MRTFA: variants seen among roughly 807,000 people sequenced by gnomAD.
MRTFA encodes myocardin-related transcription factor A.
Under a neutral mutation model 83.5 loss-of-function variants are expected in MRTFA, and 20 were observed. The observed-to-expected ratio is 0.24, with a 90% confidence interval of 0.17 to 0.35. MRTFA has a LOEUF of 0.35. Among genes scored for constraint, MRTFA ranks in the 10% least tolerant of loss-of-function variants. The probability of loss-of-function intolerance (pLI) is 1.00; values close to 1 mark genes in which losing one functional copy is unlikely to be tolerated. For synonymous variants in MRTFA, 659 were observed against 541.2 expected (o/e 1.22, Z -3.02); for missense variants, 1,200 against 1,224.7 (o/e 0.98, Z 0.30).
In MRTFA at chr22:40,411,420, A is replaced by G; in HGVS notation, c.3066T>C (p.Asp1022=). 1 of 1,572,914 alleles carries G rather than the reference A, an allele frequency of 6.4e-7. No individual in the cohort carries two copies. Among genetic ancestry groups the G allele is most frequent in the Admixed American group, 1.7e-5 (1 of 57,748 alleles). ...AGCAGGAATCCCAGTGCAGCTGCAA[A>G]TCATGGCCATCGAGGAAGTCTGTGG... Residue 1022 remains aspartate, a synonymous_variant, in exon 15 of 15, where the codon GAT becomes GAC. Transcript: ENST00000355630.
At chr22:40,603,569 T>C (rs2056284154) in intron 1 of MRTFA, among the ~76,000 whole-genome samples, 1 of 152,196 alleles carries the variant, frequency 6.6e-6, no homozygotes, top group Admixed American at 6.5e-5. Context: ...AGCCGGCATC[T>C]ACACTGAGAT....
intron 4 of MRTFA, chr22:40,439,997 CG>C: frequency 6.3e-6 from 1 of 158,896 alleles, no homozygotes; most frequent in Admixed American, 6.3e-5. Context: ...ACTAAAAATA[CG>C]AAAATTAGCT....
At chr22:40,500,666 C>A (rs139065) in intron 3 of MRTFA, among the ~76,000 whole-genome samples, 49,932 of 147,136 alleles carry the variant, frequency 0.34, 8,421 homozygotes, top group East Asian at 0.59. Flanking sequence ...TCCATTTAAC[C>A]CTGAGTGGAC....
At chr22:40,609,693 A>C (rs777464651) in intron 1 of MRTFA, among the ~76,000 whole-genome samples, 8 of 151,600 alleles carry the variant, frequency 5.3e-5, no homozygotes, top group Non-Finnish European at 1.0e-4. Flanking sequence ...TTAGCCAGGC[A>C]TGGTGGAGGG....
At position 40,623,846 on chromosome 22, in the gene MRTFA, G is replaced by C. The variant is rs372245202; in HGVS notation, c.-84+12632C>G. Among the ~76,000 whole-genome samples the C allele has an allele frequency of 2.0e-5, 3 of 152,298 alleles. No homozygotes were observed. In the East Asian group the frequency reaches 5.8e-4, roughly 29 times the overall value. ...TTCAAAAAGATTCACCAAGCATGGT[G>C]GTTCACGTCTGTAATCCCACCACTT... On this transcript the variant is annotated intron_variant, in intron 1 of 14. Coordinates refer to ENST00000355630, the MANE Select transcript of MRTFA (RefSeq NM_020831.6).
intron 3 of MRTFA, among the ~76,000 whole-genome samples, chr22:40,503,016 C>T (rs117842361): frequency 0.021 from 3,214 of 152,312 alleles, 39 homozygotes; most frequent in Non-Finnish European, 0.033. Flanking sequence ...ACACCCTCAT[C>T]TACGCACAGG....
At chr22:40,563,340 T>C (rs2055657073) in intron 2 of MRTFA, among the ~76,000 whole-genome samples, 1 of 152,178 alleles carries the variant, frequency 6.6e-6, no homozygotes, top group Non-Finnish European at 1.5e-5. Flanking sequence ...TCCCAGTAGA[T>C]GGTAAATTCA....
Position 40,417,468 on chromosome 22 carries a change from G to A in MRTFA, c.2390C>T (p.Ala797Val), listed in dbSNP as rs778638734. 15 of 1,589,930 alleles carry A rather than the reference G, an allele frequency of 9.4e-6. 1 individual carries two copies. The highest frequency in any genetic ancestry group is 6.8e-5 in the South Asian group (6 of 88,428). ...GTCCATCTGGGCAGAGGGGGCAGGC[G>A]CTGGAGAGCCAGGCTGGGACGAGGG... The change falls in exon 13 of 15, where the codon GCG (alanine) becomes GTG (valine). Residue 797 changes from alanine to valine, a missense_variant. Ala to Val is a moderately conservative substitution (Grantham distance 64). This residue lies in a region of MRTFA where 1,107 missense variants were observed against 1,041.8 expected (regional missense o/e 1.06). Coordinates refer to ENST00000355630, the MANE Select transcript of MRTFA (RefSeq NM_020831.6).
intron 1 of MRTFA, among the ~76,000 whole-genome samples, chr22:40,596,781 G>A (rs924716977): frequency 1.6e-4 from 25 of 152,064 alleles, no homozygotes; most frequent in African/African-American, 5.5e-4. Context: ...CTCTAGCCTG[G>A]GTAACAGAGC....
intron 1 of MRTFA, among the ~76,000 whole-genome samples, chr22:40,596,311 T>C (rs370939903): frequency 6.6e-6 from 1 of 152,032 alleles, no homozygotes; most frequent in Admixed American, 6.6e-5. Flanking sequence ...TTGACTGTTA[T>C]CAAAAAAGGA....
chr22:40,564,132 C>A (rs924172512), intron 2 of MRTFA, among the ~76,000 whole-genome samples: 1 of 152,064 alleles, frequency 6.6e-6, no homozygotes, highest in Non-Finnish European at 1.5e-5. Flanking sequence ...GGAGGAGAGA[C>A]AGATGTCAAA....
At chr22:40,589,460 A>G (rs1345570386) in intron 2 of MRTFA, among the ~76,000 whole-genome samples, 1 of 152,212 alleles carries the variant, frequency 6.6e-6, no homozygotes, top group Non-Finnish European at 1.5e-5. Context: ...GTAACTGCTG[A>G]GCCAGGGTTC....
At chr22:40,571,512 G>T (rs889449319) in intron 2 of MRTFA, among the ~76,000 whole-genome samples, 10 of 152,018 alleles carry the variant, frequency 6.6e-5, no homozygotes, top group Admixed American at 6.6e-4. Flanking sequence ...ATGAGAAAAA[G>T]TATTTACAAA....
intron 3 of MRTFA, chr22:40,519,715 A>G (rs1418422696): frequency 4.0e-6 from 3 of 742,770 alleles, no homozygotes; most frequent in East Asian, 5.2e-5. Context: ...TCTGAAAAGC[A>G]CAATAATGGA....
At position 40,574,439 on chromosome 22, in the gene MRTFA, TA is replaced by T. The variant is rs200625022; in HGVS notation, c.-22+20234del. Among the ~76,000 whole-genome samples the T allele has an allele frequency of 5.9e-4, 87 of 147,862 alleles. 2 individuals carry two copies. Among genetic ancestry groups the T allele is most frequent in the East Asian group, 1.0e-3 (5 of 4,830 alleles). ...ACACTGCATTAGTTATTATTATTAT[TA>T]TTTTTTTTTTTTGAGATGGAGCCTT... On this transcript the variant is annotated intron_variant, in intron 2 of 14. Coordinates refer to ENST00000355630, the MANE Select transcript of MRTFA (RefSeq NM_020831.6).
chr22:40,463,633 C>T (rs1373743616), intron 3 of MRTFA, among the ~76,000 whole-genome samples: 2 of 152,088 alleles, frequency 1.3e-5, no homozygotes, highest in Non-Finnish European at 2.9e-5. Flanking sequence ...TAACGAGGAC[C>T]ACCACCCAGC....
At chr22:40,610,299 C>T (rs1184528972) in intron 1 of MRTFA, among the ~76,000 whole-genome samples, 1 of 152,050 alleles carries the variant, frequency 6.6e-6, no homozygotes, top group African/African-American at 2.4e-5. Flanking sequence ...CCACCAGCCT[C>T]GGCCTCCCAA....
At chr22:40,434,956 G>T (rs1247612903) in intron 5 of MRTFA, among the ~76,000 whole-genome samples, 4 of 152,098 alleles carry the variant, frequency 2.6e-5, no homozygotes. Context: ...AAGGTGCTGT[G>T]GCAGAAAACT....
intron 14 of MRTFA, among the ~76,000 whole-genome samples, chr22:40,413,321 T>C (rs1182426133): frequency 6.6e-6 from 1 of 150,646 alleles, no homozygotes; most frequent in Non-Finnish European, 1.5e-5. Context: ...AAAAGGTAAA[T>C]TTTAGGTGTA....
Sources: gnomAD v4.1 joint callset for allele counts (sites outside exome capture counted in the v4.1 genomes callset) on GRCh38, gnomAD v4.1.1 for gene constraint, gnomAD v4.1.1 regional missense constraint, MANE v1.5 for transcripts, NCBI Gene and HGNC (gene_info 2026-07-23, HGNC 2026-07-21) for gene names.